The following SLC35F1 variants were observed in gnomAD, a reference collection of about 807,000 sequenced individuals.
SLC35F1 encodes the protein chromosome 6 open reading frame 169.
In SLC35F1, 14 loss-of-function variants were observed where a neutral mutation model predicts 48.7. The ratio of observed to expected loss-of-function variants is 0.29; its 90% CI spans 0.19 to 0.45. The LOEUF is 0.45. SLC35F1 is among the 20% of genes least tolerant of loss of function. The pLI, the probability that SLC35F1 is intolerant of heterozygous loss-of-function variation, is 1.00. For missense variants in SLC35F1, 404 were observed against 500.0 expected (o/e 0.81, Z 1.83); for synonymous variants, 190 against 202.2 (o/e 0.94, Z 0.51).
At chr6:118,159,859 A>G (rs1387147121) in intron 2 of SLC35F1, among the ~76,000 whole-genome samples, 7 of 152,242 alleles carry the variant, frequency 4.6e-5, no homozygotes, top group Admixed American at 4.6e-4. Context: ...TTTTTAAATA[A>G]TAGATACCCA....
At chr6:118,211,065 C>A (rs1277381946) in intron 2 of SLC35F1, among the ~76,000 whole-genome samples, 2 of 152,172 alleles carry the variant, frequency 1.3e-5, no homozygotes, top group Non-Finnish European at 2.9e-5. Context: ...AAAATACTAT[C>A]TGGAAGACAC....
At chr6:118,213,737 C>A (rs565265164) in intron 2 of SLC35F1, among the ~76,000 whole-genome samples, 2 of 152,020 alleles carry the variant, frequency 1.3e-5, no homozygotes, top group Admixed American at 1.3e-4. Context: ...GAGTATGATA[C>A]CAGTATTATA....
intron 1 of SLC35F1, among the ~76,000 whole-genome samples, chr6:117,957,108 C>T (rs1008149826): frequency 2.0e-5 from 3 of 152,132 alleles, no homozygotes; most frequent in Non-Finnish European, 4.4e-5. Context: ...TGTGACTCTG[C>T]CTGTGCATCC....
intron 2 of SLC35F1, among the ~76,000 whole-genome samples, chr6:118,209,202 A>C (rs1364632492): frequency 6.6e-6 from 1 of 152,108 alleles, no homozygotes; most frequent in Non-Finnish European, 1.5e-5. Flanking sequence ...AAGCCTAAAA[A>C]CAGTTTTCCC....
At chr6:118,151,367 A>C (rs1774054280) in intron 1 of SLC35F1, among the ~76,000 whole-genome samples, 1 of 152,104 alleles carries the variant, frequency 6.6e-6, no homozygotes, top group South Asian at 2.1e-4. Context: ...CTCTGATCCC[A>C]TGCTACTAAT....
chr6:118,050,025 C>G (rs1772363731), intron 1 of SLC35F1, among the ~76,000 whole-genome samples: 1 of 152,126 alleles, frequency 6.6e-6, no homozygotes, highest in Non-Finnish European at 1.5e-5. Context: ...CCATGGAATA[C>G]TATGCAGCCA....
intron 1 of SLC35F1, among the ~76,000 whole-genome samples, chr6:118,023,868 A>G (rs1290553780): frequency 6.6e-6 from 1 of 152,188 alleles, no homozygotes; most frequent in Non-Finnish European, 1.5e-5. Flanking sequence ...ATTGAAGACT[A>G]TTCCCGGAAT....
intron 1 of SLC35F1, among the ~76,000 whole-genome samples, chr6:117,981,198 A>C (rs1249794332): frequency 2.0e-5 from 3 of 152,148 alleles, no homozygotes; most frequent in African/African-American, 7.2e-5. Context: ...CAGAGGTGGA[A>C]GATGCAGTTG....
At chr6:118,234,852 A>G (rs1359709111) in intron 2 of SLC35F1, among the ~76,000 whole-genome samples, 1 of 145,110 alleles carries the variant, frequency 6.9e-6, no homozygotes, top group Admixed American at 7.2e-5. Flanking sequence ...ATGAAGAACT[A>G]AGAGATTCAA....
intron 2 of SLC35F1, among the ~76,000 whole-genome samples, chr6:118,226,497 C>CACACAT (rs1554238055): frequency 1.3e-5 from 2 of 151,770 alleles, no homozygotes; most frequent in Non-Finnish European, 2.9e-5. Flanking sequence ...CACACACACA[C>CACACAT]ACACACACAA....
At chr6:118,152,380 G>A (rs1044116778) in intron 1 of SLC35F1, among the ~76,000 whole-genome samples, 1 of 152,134 alleles carries the variant, frequency 6.6e-6, no homozygotes, top group Admixed American at 6.5e-5. Context: ...TCAGTTATTT[G>A]TTGGTCATGT....
intron 1 of SLC35F1, among the ~76,000 whole-genome samples, chr6:118,145,044 G>T (rs576175324): frequency 1.3e-5 from 2 of 152,158 alleles, no homozygotes; most frequent in East Asian, 1.9e-4. Flanking sequence ...TTCGTATACA[G>T]ATCCATGCAA....
chr6:118,067,545 G>A (rs1772633672), intron 1 of SLC35F1, among the ~76,000 whole-genome samples: 1 of 152,144 alleles, frequency 6.6e-6, no homozygotes, highest in South Asian at 2.1e-4. Flanking sequence ...AAGAAGACAG[G>A]TAGGAGCAAT....
At chr6:118,032,891 C>T (rs1211674596) in intron 1 of SLC35F1, among the ~76,000 whole-genome samples, 2 of 151,964 alleles carry the variant, frequency 1.3e-5, no homozygotes, top group East Asian at 3.9e-4. Flanking sequence ...CAACTAAGTT[C>T]TTGAGTTTTA....
At chr6:118,008,047 T>G (rs1344521555) in intron 1 of SLC35F1, among the ~76,000 whole-genome samples, 3 of 152,162 alleles carry the variant, frequency 2.0e-5, no homozygotes. Flanking sequence ...CATGGATATT[T>G]GCTCTTTCCA....
At chr6:118,233,668 CAGTCT>C in intron 2 of SLC35F1, among the ~76,000 whole-genome samples, 1 of 152,260 alleles carries the variant, frequency 6.6e-6, no homozygotes, top group Non-Finnish European at 1.5e-5. Flanking sequence ...TAAAAGCACC[CAGTCT>C]AGTGAAGAGT....
Position 117,923,600 on chromosome 6 carries a change from T to TATATGTAC in SLC35F1, c.173+15705_173+15706insGTACATAT, listed in dbSNP as rs1562238409. On this transcript the variant is annotated intron_variant, in intron 1 of 7. Coordinates refer to ENST00000360388, the MANE Select transcript of SLC35F1 (RefSeq NM_001029858.4). Reference sequence around the variant, plus strand: ...ATGTGTGTGTATATATACATATGTGTATATATACATATACATATGTATATA... The same window carrying TATATGTAC: ...ATGTGTGTGTATATATACATATGTGTATATGTACATATATACATATACATATGTATATA... Among the ~76,000 whole-genome samples the TATATGTAC allele has an allele frequency of 4.8e-3, 62 of 12,892 alleles. 11 individuals are homozygous for TATATGTAC. Among genetic ancestry groups the TATATGTAC allele is most frequent in the Middle Eastern group, 0.1 (1 of 10 alleles). 8.5% of individuals were successfully genotyped at this position (12,892 alleles called of 152,430 possible). A position where few individuals can be genotyped will look rare whatever the true frequency, so the allele number is the denominator to read the frequency against.
chr6:118,192,541 T>C (rs1774745748), intron 2 of SLC35F1, among the ~76,000 whole-genome samples: 1 of 152,170 alleles, frequency 6.6e-6, no homozygotes. Flanking sequence ...ACTGTGGAAA[T>C]GACTTTAAAT....
intron 6 of SLC35F1, among the ~76,000 whole-genome samples, chr6:118,284,150 G>C (rs1040875503): frequency 1.8e-4 from 28 of 152,284 alleles, no homozygotes; most frequent in African/African-American, 6.7e-4. Flanking sequence ...AGAAAGACCA[G>C]ATATTCGGTA....
Sources: gnomAD v4.1 joint callset for allele counts (sites outside exome capture counted in the v4.1 genomes callset) on GRCh38, gnomAD v4.1.1 for gene constraint, MANE v1.5 for transcripts, NCBI Gene and HGNC (gene_info 2026-07-23, HGNC 2026-07-21) for gene names.